Variants in MLLT3 observed in about 807,000 individuals in gnomAD.
MLLT3 encodes protein AF-9.
A neutral mutation model predicts 53.2 loss-of-function variants in MLLT3; 4 were observed. The observed-to-expected ratio is 0.08, with a 90% CI of 0.04 to 0.17. The LOEUF is 0.17. Among genes scored for constraint, MLLT3 ranks in the 10% least tolerant of loss-of-function variants. MLLT3 has a pLI of 1.00. For synonymous variants in MLLT3, 283 were observed against 230.6 expected (o/e 1.23, Z -2.06); for missense variants, 569 against 684.0 (o/e 0.83, Z 1.87).
intron 4 of MLLT3, among the ~76,000 whole-genome samples, chr9:20,417,835 A>G (rs1822909685): frequency 6.6e-6 from 1 of 152,196 alleles, no homozygotes; most frequent in Non-Finnish European, 1.5e-5. Flanking sequence ...TAAGAAAAAA[A>G]TCAGAACTAC....
chr9:20,575,200 C>G (rs1452457606), intron 2 of MLLT3, among the ~76,000 whole-genome samples: 1 of 152,144 alleles, frequency 6.6e-6, no homozygotes, highest in African/African-American at 2.4e-5. Context: ...AACTCCTATT[C>G]GTGTTAATGT....
chr9:20,438,126 A>T (rs967466845), intron 4 of MLLT3, among the ~76,000 whole-genome samples: 5 of 152,262 alleles, frequency 3.3e-5, no homozygotes, highest in African/African-American at 9.6e-5. Context: ...TTGAAAGAAC[A>T]TGACTATTCA....
chr9:20,352,727 A>AC (rs1821060613), intron 10 of MLLT3, among the ~76,000 whole-genome samples: 1 of 150,026 alleles, frequency 6.7e-6, no homozygotes, highest in African/African-American at 2.5e-5. Flanking sequence ...AAAAAAAAAA[A>AC]CCCACACACA....
At chr9:20,438,313 T>G (rs765698024) in intron 4 of MLLT3, among the ~76,000 whole-genome samples, 1 of 152,228 alleles carries the variant, frequency 6.6e-6, no homozygotes, top group Non-Finnish European at 1.5e-5. Flanking sequence ...ATAGGAAGTG[T>G]GGCCAATGGG....
chr9:20,364,662 C>T (rs963865155), intron 6 of MLLT3, among the ~76,000 whole-genome samples: 4 of 152,146 alleles, frequency 2.6e-5, no homozygotes, highest in African/African-American at 7.2e-5. Flanking sequence ...ATAGCCAAAA[C>T]GATTACTGTC....
rs1289223957 is a variant in MLLT3 at position 20,454,051 on chromosome 9, A to G, written c.276+2653T>C. On this transcript the variant is annotated intron_variant, in intron 3 of 10. Transcript: ENST00000380338. ...AATCTACGATGTTCCAAATGTGTCT[A>G]TTTTATAATGGCCACAAAGGAAGAG... Among the ~76,000 whole-genome samples the G allele has an allele frequency of 2.6e-5, 4 of 152,210 alleles. No individual in the cohort carries two copies. In the East Asian group the frequency reaches 5.8e-4, roughly 22 times the overall value.
chr9:20,535,747 T>TA (rs1818465871), intron 2 of MLLT3, among the ~76,000 whole-genome samples: 1 of 152,190 alleles, frequency 6.6e-6, no homozygotes. Flanking sequence ...CAGGAGACAT[T>TA]AGCTGATCCT....
intron 2 of MLLT3, among the ~76,000 whole-genome samples, chr9:20,471,180 T>G (rs970807799): frequency 6.6e-6 from 1 of 152,112 alleles, no homozygotes; most frequent in Non-Finnish European, 1.5e-5. Flanking sequence ...TAAAGGCTTC[T>G]GTGTAGCACT....
intron 2 of MLLT3, among the ~76,000 whole-genome samples, chr9:20,599,861 T>A (rs141451314): frequency 6.6e-6 from 1 of 152,316 alleles, no homozygotes; most frequent in African/African-American, 2.4e-5. Context: ...CAGTCTTGGA[T>A]GCCACGTCTG....
In MLLT3 at chr9:20,465,587, G is replaced by A. The variant is rs141184458; in HGVS notation, c.194-8801C>T. Among the ~76,000 whole-genome samples, 572 of 152,146 alleles carry A rather than the reference G, an allele frequency of 3.8e-3. 4 individuals carry two copies. The highest frequency in any genetic ancestry group is 0.013 in the African/African-American group (552 of 41,524). The stretch of plus-strand genomic sequence containing the variant: ...ACCCATTTCTGAGTTTTAAAAAATA[G>A]CCTAGGAGACCATCAGAACCTAACT... On this transcript the variant is annotated intron_variant, in intron 2 of 10. Coordinates refer to ENST00000380338, the MANE Select transcript of MLLT3 (RefSeq NM_004529.4).
At chr9:20,368,924 C>T (rs957973861) in intron 5 of MLLT3, among the ~76,000 whole-genome samples, 1 of 152,178 alleles carries the variant, frequency 6.6e-6, no homozygotes, top group Admixed American at 6.5e-5. Flanking sequence ...CAGGACAGAA[C>T]AAGCATTTGT....
At chr9:20,590,038 G>A (rs1443423683) in intron 2 of MLLT3, among the ~76,000 whole-genome samples, 4 of 152,208 alleles carry the variant, frequency 2.6e-5, no homozygotes, top group South Asian at 2.1e-4. Context: ...TGAGTTACCC[G>A]CCAGGAGAAG....
intron 2 of MLLT3, among the ~76,000 whole-genome samples, chr9:20,535,343 T>G (rs1260487384): frequency 1.3e-5 from 2 of 152,194 alleles, no homozygotes; most frequent in African/African-American, 4.8e-5. Flanking sequence ...TTGTCTTCCA[T>G]GAAACCAGTC....
chr9:20,597,133 T>C (rs1820294024), intron 2 of MLLT3, among the ~76,000 whole-genome samples: 1 of 152,100 alleles, frequency 6.6e-6, no homozygotes, highest in Non-Finnish European at 1.5e-5. Context: ...TATACTAATC[T>C]TGTATGCTAT....
chr9:20,614,441 G>C (rs548371053), intron 2 of MLLT3, among the ~76,000 whole-genome samples: 1 of 141,826 alleles, frequency 7.1e-6, no homozygotes, highest in East Asian at 2.4e-4. Flanking sequence ...GGGAGGGAGG[G>C]AGGTAGGCAG....
rs577896074 is a variant in MLLT3, at chr9:20,488,046, G to A, written c.194-31260C>T. The stretch of plus-strand genomic sequence containing the variant: ...GTAAGGTTACTTACCTTTTTATTGT[G>A]CCTTAGGTGCAATAAATTAAATAAA... On this transcript the variant is annotated intron_variant, in intron 2 of 10. Transcript: ENST00000380338. 1.3e-5 allele frequency among the ~76,000 whole-genome samples: 2 copies of A among 152,092 alleles called. 1 individual carries two copies. The highest frequency in any genetic ancestry group is 4.8e-5 in the African/African-American group (2 of 41,508).
chr9:20,379,438 A>C (rs1326006569), intron 5 of MLLT3, among the ~76,000 whole-genome samples: 1 of 151,742 alleles, frequency 6.6e-6, no homozygotes, highest in Non-Finnish European at 1.5e-5. Flanking sequence ...TGGAATTTAG[A>C]ATAAAGACAC....
chr9:20,392,841 G>C (rs1397602091), intron 5 of MLLT3, among the ~76,000 whole-genome samples: 1 of 152,066 alleles, frequency 6.6e-6, no homozygotes, highest in Non-Finnish European at 1.5e-5. Context: ...TCCATCTCAA[G>C]AATCACCAGG....
intron 2 of MLLT3, among the ~76,000 whole-genome samples, chr9:20,549,225 T>C (rs1818866475): frequency 6.6e-6 from 1 of 152,188 alleles, no homozygotes; most frequent in Non-Finnish European, 1.5e-5. Flanking sequence ...ATAAGATTCC[T>C]TGGCAACATC....
Sources: allele counts gnomAD v4.1 joint callset (sites outside exome capture counted in the v4.1 genomes callset), GRCh38; gene constraint gnomAD v4.1.1; transcripts MANE v1.5; gene names NCBI Gene and HGNC (gene_info 2026-07-23, HGNC 2026-07-21).